Variants in AUTS2 observed in about 807,000 individuals in gnomAD.
The protein encoded by AUTS2 is activator of transcription and developmental regulator AUTS2, also known as autism susceptibility gene 2 protein.
In AUTS2, 17 loss-of-function variants were observed where a neutral mutation model predicts 112.4. The ratio of observed to expected loss-of-function variants is 0.15; its 90% CI spans 0.10 to 0.23. The LOEUF (loss-of-function observed/expected upper bound fraction) is 0.23, where lower values mean the gene tolerates loss of function less well. Ranked by LOEUF, AUTS2 falls within the 10% of genes least tolerant of loss-of-function variation. The probability of loss-of-function intolerance (pLI) is 1.00; values close to 1 mark genes in which losing one functional copy is unlikely to be tolerated. For synonymous variants in AUTS2, 751 were observed against 702.7 expected, an observed-to-expected ratio of 1.07 and a Z score of -1.09; for missense variants, 1,510 against 1,701.6, an observed-to-expected ratio of 0.89 and a Z score of 1.98.
intron 4 of AUTS2, among the ~76,000 whole-genome samples, chr7:70,352,006 A>T (rs565019123): frequency 2.0e-5 from 3 of 152,286 alleles, no homozygotes; most frequent in Non-Finnish European, 4.4e-5. Context: ...CCCAGCCTTG[A>T]CCATTATTTT....
intron 1 of AUTS2, among the ~76,000 whole-genome samples, chr7:69,790,996 G>A (rs747236276): frequency 6.6e-6 from 1 of 152,214 alleles, no homozygotes; most frequent in South Asian, 2.1e-4. Context: ...TCGATTTCTT[G>A]GCTCCACTAA....
intron 1 of AUTS2, among the ~76,000 whole-genome samples, chr7:69,835,594 C>G (rs2129527976): frequency 6.6e-6 from 1 of 152,270 alleles, no homozygotes. Flanking sequence ...TATTGCAGGC[C>G]TTCCCTTTAC....
rs79184477 is a variant in AUTS2, at chr7:69,872,153, G to A, written c.310-27133G>A. 1.5e-4 allele frequency among the ~76,000 whole-genome samples: 23 copies of A among 152,312 alleles called. No individual in the cohort carries two copies. In the East Asian group the frequency reaches 4.4e-3, roughly 29 times the overall value. Reference sequence around the variant, plus strand: ...TCTGAGTGCAGGGCCCTGAGCGATTGCACAGGTCACACACCCATGAAGCTG... The same window carrying A: ...TCTGAGTGCAGGGCCCTGAGCGATTACACAGGTCACACACCCATGAAGCTG... On this transcript the variant is annotated intron_variant, in intron 1 of 18. Coordinates refer to ENST00000342771, the MANE Select transcript of AUTS2 (RefSeq NM_015570.4).
chr7:69,862,394 A>G (rs1169758354), intron 1 of AUTS2, among the ~76,000 whole-genome samples: 25 of 152,178 alleles, frequency 1.6e-4, no homozygotes, highest in South Asian at 1.0e-3. Context: ...AATGAACACA[A>G]AACTTTTGGG....
intron 2 of AUTS2, among the ~76,000 whole-genome samples, chr7:69,986,524 A>G (rs1236008276): frequency 2.0e-5 from 3 of 152,204 alleles, no homozygotes; most frequent in African/African-American, 7.2e-5. Flanking sequence ...CAGTAAAGTC[A>G]GTTTCCAGGT....
chr7:70,171,904 T>TG lies in AUTS2; in HGVS notation c.660+37333_660+37334insG, dbSNP rs71847750. ...CTTTATTATAAACAAGTTTTTTTTT[T>TG]TGGGGGGGGGTAGTTTTTCCCTCCT... is the stretch of plus-strand genomic sequence containing the variant. On this transcript the variant is annotated intron_variant, in intron 4 of 18. Coordinates refer to ENST00000342771, the MANE Select transcript of AUTS2 (RefSeq NM_015570.4). Among the ~76,000 whole-genome samples the TG allele has an allele frequency of 7.8e-3, 1,075 of 138,086 alleles. 16 individuals carry two copies. The highest frequency in any genetic ancestry group is 0.03 in the African/African-American group (1,042 of 34,882). The allele number at this position is 138,086 out of a possible 152,430, so 90.6% of individuals were successfully genotyped here. A position where few individuals can be genotyped will look rare whatever the true frequency, so the allele number is the denominator to read the frequency against.
At chr7:69,687,189 A>G (rs1797099533) in intron 1 of AUTS2, among the ~76,000 whole-genome samples, 1 of 152,232 alleles carries the variant, frequency 6.6e-6, no homozygotes, top group Admixed American at 6.5e-5. Flanking sequence ...GAGATTAAAC[A>G]GACAATTTTC....
chr7:70,441,558 A>G (rs138876950), intron 5 of AUTS2, among the ~76,000 whole-genome samples: 6 of 152,130 alleles, frequency 3.9e-5, no homozygotes, highest in Non-Finnish European at 8.8e-5. Context: ...GATAACTTAA[A>G]TTTTATTCTG....
At chr7:69,687,381 A>C (rs1425406118) in intron 1 of AUTS2, among the ~76,000 whole-genome samples, 2 of 152,206 alleles carry the variant, frequency 1.3e-5, no homozygotes, top group South Asian at 2.1e-4. Flanking sequence ...CAAGGTAGGC[A>C]CTTTGCATAA....
chr7:69,609,876 T>C (rs569202152), intron 1 of AUTS2, among the ~76,000 whole-genome samples: 1 of 152,378 alleles, frequency 6.6e-6, no homozygotes, highest in African/African-American at 2.4e-5. Context: ...TTTCATGGGA[T>C]TGTAATAACA....
intron 6 of AUTS2, among the ~76,000 whole-genome samples, chr7:70,712,319 A>G (rs1300462599): frequency 6.8e-6 from 1 of 146,858 alleles, no homozygotes; most frequent in African/African-American, 2.5e-5. Context: ...AAGTGCTAGG[A>G]TTACAGGCAT....
chr7:69,826,290 A>G (rs987671220), intron 1 of AUTS2, among the ~76,000 whole-genome samples: 6 of 152,216 alleles, frequency 3.9e-5, no homozygotes, highest in Admixed American at 2.6e-4. Context: ...TGGCAAAGTA[A>G]CTAATTATTG....
chr7:69,796,662 A>G (rs1417625756), intron 1 of AUTS2, among the ~76,000 whole-genome samples: 1 of 152,208 alleles, frequency 6.6e-6, no homozygotes, highest in African/African-American at 2.4e-5. Flanking sequence ...AAATTGAACA[A>G]TTGTGGGAAT....
chr7:70,237,621 C>A (rs1436724632), intron 4 of AUTS2, among the ~76,000 whole-genome samples: 1 of 152,200 alleles, frequency 6.6e-6, no homozygotes. Flanking sequence ...ATCCATAATG[C>A]ATGACAATTC....
At chr7:70,737,190 T>G (rs1259404954) in intron 6 of AUTS2, among the ~76,000 whole-genome samples, 3 of 152,136 alleles carry the variant, frequency 2.0e-5, no homozygotes, top group African/African-American at 7.3e-5. Flanking sequence ...GGGTAGTGCA[T>G]GCAGGCTAAT....
At chr7:70,365,032 A>C (rs1043177182) in intron 4 of AUTS2, among the ~76,000 whole-genome samples, 2 of 152,194 alleles carry the variant, frequency 1.3e-5, no homozygotes, top group Non-Finnish European at 2.9e-5. Context: ...TAAATGGAGA[A>C]AGGTACTGGG....
intron 3 of AUTS2, among the ~76,000 whole-genome samples, chr7:70,122,865 CT>C (rs11297258): frequency 0.2 from 18,660 of 93,134 alleles, 935 homozygotes; most frequent in Middle Eastern, 0.22. Context: ...GAGATGAAAG[CT>C]TTTTTTTTTT....
At chr7:70,081,230 G>A (rs541730258) in intron 2 of AUTS2, among the ~76,000 whole-genome samples, 22 of 151,952 alleles carry the variant, frequency 1.4e-4, no homozygotes, top group African/African-American at 5.3e-4. Flanking sequence ...CGAGGAAAGT[G>A]AATTTTTTAA....
At chr7:70,293,893 T>C (rs1479101968) in intron 4 of AUTS2, 1 of 152,194 alleles carries the variant, frequency 6.6e-6, no homozygotes, top group Non-Finnish European at 1.5e-5. Flanking sequence ...GTGGAGTGAC[T>C]GATGGTAGTT....
Sources: allele counts gnomAD v4.1 joint callset (sites outside exome capture counted in the v4.1 genomes callset), GRCh38; gene constraint gnomAD v4.1.1; transcripts MANE v1.5; gene names NCBI Gene and HGNC (gene_info 2026-07-23, HGNC 2026-07-21).